TEX2: variants seen among roughly 807,000 people sequenced by gnomAD.
The protein encoded by TEX2 is testis expressed 2, also known as testis-expressed protein 2.
Under a neutral mutation model 106.9 loss-of-function variants are expected in TEX2, and 53 were observed. The observed-to-expected ratio is 0.50, with a 90% CI of 0.40 to 0.62. The LOEUF is 0.62. Ranked by LOEUF, TEX2 falls within the 20% of genes least tolerant of loss-of-function variation. The pLI, the probability that TEX2 is intolerant of heterozygous loss-of-function variation, is 0.00. For missense variants in TEX2, 1,207 were observed against 1,379.0 expected (o/e 0.88, Z 1.98); for synonymous variants, 523 against 534.8 (o/e 0.98, Z 0.30).
rs143533475 is a variant in TEX2 at position 64,163,216 on chromosome 17, C to A, written c.2672-2283G>T. Among the ~76,000 whole-genome samples, 471 of 152,264 alleles carry A rather than the reference C, an allele frequency of 3.1e-3. 2 individuals are homozygous for A. The highest frequency in any genetic ancestry group is 5.7e-3 in the Non-Finnish European group (391 of 68,010). Reference sequence around the variant, plus strand: ...CTTGGCTGACTGCAACCTCCGCCTCCCAGGCTCAAGTGATCCTCCCACCAC... The same window carrying A: ...CTTGGCTGACTGCAACCTCCGCCTCACAGGCTCAAGTGATCCTCCCACCAC... On this transcript the variant is annotated intron_variant, in intron 7 of 11. Coordinates refer to ENST00000584379, the MANE Select transcript of TEX2 (RefSeq NM_001288732.2).
At chr17:64,177,194 T>G in intron 6 of TEX2, 131 bp downstream of exon 6, 1 of 1,020,804 alleles carries the variant, frequency 9.8e-7, no homozygotes, top group Non-Finnish European at 1.5e-6. Flanking sequence ...AGATGTGCTG[T>G]TTGAGAACTT....
chr17:64,171,046 A>C, intron 7 of TEX2, 54 bp downstream of exon 7: 11 of 1,386,446 alleles, frequency 7.9e-6, no homozygotes, highest in African/African-American at 2.8e-5. Context: ...ATGGTACTGA[A>C]TCTGCAGCAA....
At chr17:64,159,642 T>G (rs573456907) in intron 8 of TEX2, among the ~76,000 whole-genome samples, 2 of 152,096 alleles carry the variant, frequency 1.3e-5, no homozygotes, top group African/African-American at 2.4e-5. Flanking sequence ...CGAACAAGAC[T>G]CAGAAGTTAC....
At chr17:64,218,654 T>G (rs1037754526) in intron 1 of TEX2, among the ~76,000 whole-genome samples, 19 of 152,216 alleles carry the variant, frequency 1.2e-4, no homozygotes, top group African/African-American at 4.6e-4. Flanking sequence ...CCTGACCTTG[T>G]GATCCACCAA....
intron 7 of TEX2, among the ~76,000 whole-genome samples, chr17:64,161,975 C>T (rs1459866623): frequency 6.6e-6 from 1 of 152,160 alleles, no homozygotes; most frequent in African/African-American, 2.4e-5. Flanking sequence ...TACACGGCCA[C>T]CACCTCAGAT....
chr17:64,231,088 G>A (rs549199181), intron 1 of TEX2, among the ~76,000 whole-genome samples: 9 of 152,308 alleles, frequency 5.9e-5, no homozygotes, highest in African/African-American at 1.9e-4. Flanking sequence ...CTATGAGAAT[G>A]AGCTGCAGAT....
chr17:64,153,291 G>A lies in TEX2; in HGVS notation c.2931-137C>T, dbSNP rs1004212700. On this transcript the variant is annotated intron_variant, in intron 9 of 11. Transcript: ENST00000584379. The surrounding 1 kb of genome is among the most constrained non-coding windows in gnomAD (Gnocchi z 4.1). ...GTGGTGATTCTGTGTTGGGGCGGGG[G>A]GCATCCTGTGCATTGCAGGGTGTTC... 6.1e-5 allele frequency: 40 copies of A among 656,214 alleles called. No homozygotes were observed. The highest frequency in any genetic ancestry group is 1.0e-4 in the Non-Finnish European group (39 of 376,392). The allele number at this position is 656,214 out of a possible 1,614,324, so 40.6% of individuals were successfully genotyped here. A position where few individuals can be genotyped will look rare whatever the true frequency, so the allele number is the denominator to read the frequency against.
intron 5 of TEX2, among the ~76,000 whole-genome samples, chr17:64,180,236 C>T (rs542687580): frequency 3.5e-4 from 53 of 152,310 alleles, no homozygotes; most frequent in African/African-American, 1.3e-3. Context: ...GTTACTTTTT[C>T]CCTTCCCTAG....
At chr17:64,159,393 T>G (rs1381775321) in intron 8 of TEX2, among the ~76,000 whole-genome samples, 2 of 152,190 alleles carry the variant, frequency 1.3e-5, no homozygotes, top group Admixed American at 1.3e-4. Context: ...ATGAGCTAGA[T>G]TTAATGTGCT....
chr17:64,259,379 C>A (rs994559668), intron 1 of TEX2, among the ~76,000 whole-genome samples: 5 of 152,202 alleles, frequency 3.3e-5, no homozygotes, highest in Non-Finnish European at 7.3e-5. Flanking sequence ...TCTTGTATAA[C>A]CTATGAGTTG....
At chr17:64,199,298 G>A (rs782095827) in intron 2 of TEX2, among the ~76,000 whole-genome samples, 24 of 152,114 alleles carry the variant, frequency 1.6e-4, no homozygotes, top group East Asian at 1.9e-4. Context: ...GTGCAGTGGC[G>A]TTACCTTGGC....
intron 2 of TEX2, 130 bp downstream of exon 2, chr17:64,212,443 GT>G (rs2033030832): frequency 2.6e-6 from 2 of 783,506 alleles, no homozygotes; most frequent in Non-Finnish European, 4.2e-6. Flanking sequence ...GGAGAATGAA[GT>G]GGCCCCAAGC....
intron 1 of TEX2, among the ~76,000 whole-genome samples, chr17:64,228,006 T>C (rs898072017): frequency 1.2e-4 from 19 of 152,220 alleles, no homozygotes; most frequent in African/African-American, 4.1e-4. Context: ...GAATTTCTTA[T>C]TACAAACAAG....
At position 64,195,072 on chromosome 17, in the gene TEX2, G is replaced by T; in HGVS notation, c.1668C>A (p.Asn556Lys). Residue 556 changes from asparagine (N) to lysine (K), a missense_variant, in exon 3 of 12, where the codon AAC becomes AAA. Around this residue, in one of 3 missense-constraint regions of TEX2, gnomAD observed 1,067 missense variants for 1,193.6 expected, o/e 0.89. Coordinates refer to ENST00000584379, the MANE Select transcript of TEX2 (RefSeq NM_001288732.2). This position sits in a 1 kb window ranked among gnomAD's most constrained non-coding sequence, Gnocchi z 4.1. Reference sequence around the variant, plus strand: ...TCGCATGGTAGGTTTCTGGATCATAGTTGTAAATCTCATTCATCCATCCCT... The same window carrying T: ...TCGCATGGTAGGTTTCTGGATCATATTTGTAAATCTCATTCATCCATCCCT... ...ILKGWMNEIY[N>K]YDPETYHATL... 1 of 1,614,088 alleles carries T rather than the reference G, an allele frequency of 6.2e-7. No homozygotes were observed. The highest frequency in any genetic ancestry group is 8.5e-7 in the Non-Finnish European group (1 of 1,179,956).
intron 3 of TEX2, 45 bp downstream of exon 3, chr17:64,194,850 C>T (rs1255805811): frequency 1.3e-6 from 2 of 1,587,128 alleles, no homozygotes; most frequent in African/African-American, 2.7e-5. Context: ...ATGCCATATG[C>T]TTTTCATTCA....
At position 64,213,426 on chromosome 17, in the gene TEX2, A is replaced by T. The variant is rs2033076375; in HGVS notation, c.792T>A (p.Pro264=). ...CAGAGGGAGAAGTCAGTGGGGAAGA[A>T]GGTGCAGTTTTGGAATCTCCACCTG... The part of the protein sequence containing the change: ...RNTGGDSKTA[P]SSPLTSPSDT... The change falls in exon 2 of 12, where the codon CCT becomes CCA. Residue 264 remains proline, a synonymous_variant. Coordinates refer to ENST00000584379, the MANE Select transcript of TEX2 (RefSeq NM_001288732.2). This position sits in a 1 kb window ranked among gnomAD's most constrained non-coding sequence, Gnocchi z 4.4. 1 of 1,614,172 alleles carries T rather than the reference A, an allele frequency of 6.2e-7. No homozygotes were observed. The highest frequency in any genetic ancestry group is 1.1e-5 in the South Asian group (1 of 91,088).
intron 7 of TEX2, among the ~76,000 whole-genome samples, chr17:64,170,432 C>T (rs1237139570): frequency 6.6e-6 from 1 of 152,116 alleles, no homozygotes; most frequent in African/African-American, 2.4e-5. Flanking sequence ...GGGGCAGCTG[C>T]ACCCGTGAGG....
At chr17:64,237,282 GGTGA>G (rs1373938154) in intron 1 of TEX2, among the ~76,000 whole-genome samples, 4 of 152,030 alleles carry the variant, frequency 2.6e-5, no homozygotes, top group African/African-American at 9.7e-5. Flanking sequence ...GCTTCTCGGG[GGTGA>G]GTATTATACA....
rs1274287184 is a variant in TEX2 at position 64,153,430 on chromosome 17, A to G, written c.2931-276T>C. On this transcript the variant is annotated intron_variant, in intron 9 of 11. Coordinates refer to ENST00000584379, the MANE Select transcript of TEX2 (RefSeq NM_001288732.2). This position sits in a 1 kb window ranked among gnomAD's most constrained non-coding sequence, Gnocchi z 4.1. ...TCCTCTGGGGGGCCAAATCACCCCC[A>G]GTTGAGAACTACTACTTCAGAGAAG... Among the ~76,000 whole-genome samples the G allele has an allele frequency of 1.4e-5, 2 of 147,156 alleles. No individual in the cohort carries two copies. The highest frequency in any genetic ancestry group is 5.0e-5 in the African/African-American group (2 of 39,852).
Sources: allele counts gnomAD v4.1 joint callset (sites outside exome capture counted in the v4.1 genomes callset), GRCh38; gene constraint gnomAD v4.1.1; regional missense constraint gnomAD v4.1.1; non-coding constraint Gnocchi (gnomAD v3.1); transcripts MANE v1.5; gene names NCBI Gene and HGNC (gene_info 2026-07-23, HGNC 2026-07-21).